TCF20: variants seen among roughly 807,000 people sequenced by gnomAD.
The protein encoded by TCF20 is transcription factor 20.
Under a neutral mutation model 148.6 loss-of-function variants are expected in TCF20, and 3 were observed. The observed-to-expected ratio is 0.02, with a 90% CI of 0.01 to 0.05. TCF20 has a LOEUF of 0.05. TCF20 is among the 10% of genes least tolerant of loss of function. The probability of loss-of-function intolerance (pLI) is 1.00; values close to 1 mark genes in which losing one functional copy is unlikely to be tolerated. For synonymous variants in TCF20, 1,049 were observed against 909.5 expected (o/e 1.15, Z -2.76); for missense variants, 2,350 against 2,429.3 (o/e 0.97, Z 0.69).
intron 1 of TCF20, among the ~76,000 whole-genome samples, chr22:42,341,003 C>G (rs113074965): frequency 0.029 from 4,417 of 152,052 alleles, 222 homozygotes; most frequent in African/African-American, 0.1. Context: ...CCCCGCGGAG[C>G]TGCGGGGCGC....
At position 42,179,598 on chromosome 22, in the gene TCF20, T is replaced by A; in HGVS notation, c.5749+11A>T. On this transcript the variant is annotated intron_variant, in intron 3 of 5. Transcript: ENST00000677622. ...GGATGCTCTGGACAAGGGTCTGTGG[T>A]CTCCTCTTACCTGCATCAATGGCAC... The A allele has an allele frequency of 6.2e-7, 1 of 1,604,008 alleles. No individual in the cohort carries two copies. Among genetic ancestry groups the A allele is most frequent in the Non-Finnish European group, 8.5e-7 (1 of 1,171,312 alleles).
At chr22:42,178,470 T>C (rs770934412) in intron 3 of TCF20, among the ~76,000 whole-genome samples, 2 of 152,094 alleles carry the variant, frequency 1.3e-5, no homozygotes, top group Non-Finnish European at 2.9e-5. Flanking sequence ...GGACACCCAG[T>C]TGGTGTCCAA....
intron 1 of TCF20, among the ~76,000 whole-genome samples, chr22:42,249,346 A>C (rs866419369): frequency 3.3e-5 from 5 of 152,172 alleles, no homozygotes; most frequent in Non-Finnish European, 5.9e-5. Flanking sequence ...CCCCTAATAA[A>C]TTCCCTCATA....
At chr22:42,167,303 G>A (rs1237989353) in intron 5 of TCF20, among the ~76,000 whole-genome samples, 1 of 152,186 alleles carries the variant, frequency 6.6e-6, no homozygotes, top group South Asian at 2.1e-4. Flanking sequence ...GGCCTTCTCC[G>A]GAAATTAGTA....
intron 1 of TCF20, among the ~76,000 whole-genome samples, chr22:42,237,472 T>G (rs950703685): frequency 6.6e-6 from 1 of 152,208 alleles, no homozygotes; most frequent in African/African-American, 2.4e-5. Context: ...AAGTCATCCA[T>G]GAGGGCTGGA....
At chr22:42,323,968 A>G (rs201093008) in intron 1 of TCF20, among the ~76,000 whole-genome samples, 377 of 4,586 alleles carry the variant, frequency 0.082, 3 homozygotes, top group African/African-American at 0.14. Context: ...GGTGGTGGTG[A>G]TGGTGGTGGT....
At chr22:42,186,243 G>GA (rs1350230806) in intron 2 of TCF20, among the ~76,000 whole-genome samples, 1 of 152,148 alleles carries the variant, frequency 6.6e-6, no homozygotes, top group East Asian at 1.9e-4. Flanking sequence ...GGCTACTGGA[G>GA]AAAAAAACTG....
chr22:42,221,728 T>C (rs1922371975), intron 1 of TCF20, among the ~76,000 whole-genome samples: 1 of 119,716 alleles, frequency 8.4e-6, no homozygotes, highest in Non-Finnish European at 1.8e-5. Context: ...TTATTAACCA[T>C]ATGGCAAAGG....
At position 42,215,345 on chromosome 22, in the gene TCF20, G is replaced by A; in HGVS notation, c.-36-4C>T. 6.4e-7 allele frequency: 1 copy of A among 1,556,554 alleles called. No individual in the cohort carries two copies. The highest frequency in any genetic ancestry group is 8.7e-7 in the Non-Finnish European group (1 of 1,153,850). On this transcript the variant is annotated splice_region_variant and splice_polypyrimidine_tract_variant and intron_variant, in intron 1 of 5. Coordinates refer to ENST00000677622, the MANE Select transcript of TCF20 (RefSeq NM_001378418.1). ...CAGCAGCAGGCCAACAGCCCTCCTA[G>A]AAATAGAAGAAAGAAAAACATTAGA...
At chr22:42,231,920 C>G (rs1362061769) in intron 1 of TCF20, among the ~76,000 whole-genome samples, 2 of 72,972 alleles carry the variant, frequency 2.7e-5, no homozygotes, top group Non-Finnish European at 5.4e-5. Context: ...CAGAGAGAGA[C>G]TCCGTCTCAA....
At chr22:42,219,069 A>C (rs1922085629) in intron 1 of TCF20, among the ~76,000 whole-genome samples, 1 of 152,204 alleles carries the variant, frequency 6.6e-6, no homozygotes, top group African/African-American at 2.4e-5. Flanking sequence ...CAACGACAGA[A>C]AATGTAAACC....
At chr22:42,228,749 G>T (rs960545722) in intron 1 of TCF20, among the ~76,000 whole-genome samples, 8 of 152,344 alleles carry the variant, frequency 5.3e-5, no homozygotes, top group African/African-American at 1.9e-4. Context: ...AGATAAAAAT[G>T]GGAAGGTCAT....
At chr22:42,252,741 G>A (rs926959256) in intron 1 of TCF20, among the ~76,000 whole-genome samples, 11 of 152,158 alleles carry the variant, frequency 7.2e-5, no homozygotes, top group South Asian at 2.1e-4. Context: ...TGTGAGCCAC[G>A]GTGCCCAGCC....
In TCF20 at chr22:42,212,834, T is replaced by G; in HGVS notation, c.2472A>C (p.Ser824=). 1 of 1,614,208 alleles carries G rather than the reference T, an allele frequency of 6.2e-7. No individual in the cohort carries two copies. Among genetic ancestry groups the G allele is most frequent in the Non-Finnish European group, 8.5e-7 (1 of 1,180,036 alleles). Residue 824 remains serine (S), a synonymous_variant, in exon 2 of 6, where the codon TCA becomes TCC. Coordinates refer to ENST00000677622, the MANE Select transcript of TCF20 (RefSeq NM_001378418.1). ...GTTTCATTTCAGGAGCTGTGCTGCT[T>G]GATTTCCTTTCCCAGGGGCCCCAGT... is the stretch of plus-strand genomic sequence containing the variant. The part of the protein sequence containing the change: ...NPHWGPWERK[S]SSTAPEMKQI...
intron 2 of TCF20, among the ~76,000 whole-genome samples, chr22:42,193,247 C>G (rs1258752404): frequency 6.6e-6 from 1 of 150,564 alleles, no homozygotes; most frequent in African/African-American, 2.4e-5. Context: ...TTTAGAAATC[C>G]TGCATAATTC....
In TCF20 at chr22:42,195,722, A is replaced by T. The variant is rs181769433; in HGVS notation, c.5655+13929T>A. On this transcript the variant is annotated intron_variant, in intron 2 of 5. Transcript: ENST00000677622. ...CCCACGTTGGCCAGGCTAGTCTCAA[A>T]CTCCTGACCTCAGGTGGTCCGCCTG... Among the ~76,000 whole-genome samples, 654 of 150,756 alleles carry T rather than the reference A, an allele frequency of 4.3e-3. 11 individuals carry two copies. Among genetic ancestry groups the T allele is most frequent in the African/African-American group, 0.015 (632 of 41,006 alleles).
At chr22:42,306,960 C>A (rs1044959791) in intron 1 of TCF20, among the ~76,000 whole-genome samples, 1 of 151,010 alleles carries the variant, frequency 6.6e-6, no homozygotes, top group African/African-American at 2.4e-5. Context: ...AATCGCTTGA[C>A]CCTGGGGAGC....
rs565451174 is a variant in TCF20 at position 42,206,281 on chromosome 22, C to T, written c.5655+3370G>A. ...ATCAAAAAGCAATAAACAGGCTGGG[C>T]GCAGTGACCCACACCTGTAATCCCA... On this transcript the variant is annotated intron_variant, in intron 2 of 5. Transcript: ENST00000677622. Among the ~76,000 whole-genome samples, 53 of 152,212 alleles carry T rather than the reference C, an allele frequency of 3.5e-4. 1 individual carries two copies. In the East Asian group the frequency reaches 5.4e-3, roughly 16 times the overall value.
chr22:42,320,655 G>GT (rs1491309713), intron 1 of TCF20, among the ~76,000 whole-genome samples: 2 of 152,222 alleles, frequency 1.3e-5, no homozygotes, highest in Non-Finnish European at 2.9e-5. Context: ...TGCTCAACAC[G>GT]TGTGAGGGGA....
Sources: allele counts gnomAD v4.1 joint callset (sites outside exome capture counted in the v4.1 genomes callset), GRCh38; gene constraint gnomAD v4.1.1; transcripts MANE v1.5; gene names NCBI Gene and HGNC (gene_info 2026-07-23, HGNC 2026-07-21).